DOK6: variants seen among roughly 807,000 people sequenced by gnomAD.
DOK6 encodes the protein downstream of tyrosine kinase 6.
In DOK6, 22 loss-of-function variants were observed where a neutral mutation model predicts 44.0. That is an observed-to-expected ratio of 0.50 (90% CI 0.36 to 0.71). The LOEUF (loss-of-function observed/expected upper bound fraction) is 0.71. Among genes scored for constraint, DOK6 ranks in the 30% least tolerant of loss-of-function variants. The pLI, the probability that DOK6 is intolerant of heterozygous loss-of-function variation, is 0.00. For missense variants in DOK6, 340 were observed against 416.4 expected (o/e 0.82, Z 1.60); for synonymous variants, 166 against 145.5 (o/e 1.14, Z -1.01).
chr18:69,765,022 A>G (rs1178508144), intron 7 of DOK6, among the ~76,000 whole-genome samples: 1 of 152,214 alleles, frequency 6.6e-6, no homozygotes, highest in East Asian at 1.9e-4. Flanking sequence ...ACAGGATGGA[A>G]ATAGGCAATT....
At chr18:69,745,938 G>A (rs921127703) in intron 6 of DOK6, among the ~76,000 whole-genome samples, 2 of 152,096 alleles carry the variant, frequency 1.3e-5, no homozygotes, top group Admixed American at 6.5e-5. Flanking sequence ...TGAACTTAAC[G>A]ATAGCCTCTA....
At chr18:69,833,124 G>T (rs1981948765) in intron 7 of DOK6, among the ~76,000 whole-genome samples, 1 of 152,058 alleles carries the variant, frequency 6.6e-6, no homozygotes, top group East Asian at 1.9e-4. Context: ...TGAGCAAAAA[G>T]AACAAAGCTG....
chr18:69,570,224 A>T (rs1439179601), intron 2 of DOK6, among the ~76,000 whole-genome samples: 2 of 152,274 alleles, frequency 1.3e-5, no homozygotes, highest in East Asian at 3.9e-4. Flanking sequence ...TTAAAAAAGC[A>T]AAAACAAAAT....
Position 69,544,926 on chromosome 18 carries a change from C to T in DOK6, c.67-19561C>T, listed in dbSNP as rs192796720. On this transcript the variant is annotated intron_variant, in intron 1 of 7. Coordinates refer to ENST00000382713, the MANE Select transcript of DOK6 (RefSeq NM_152721.6). ...CGGGCGGATCACTAGGTCAGGAGCT[C>T]GAGACCATCCTGGCTAACATGGTGA... is the stretch of plus-strand genomic sequence containing the variant. 1.9e-3 allele frequency among the ~76,000 whole-genome samples: 290 copies of T among 151,132 alleles called. 8 individuals carry two copies. The highest frequency in any genetic ancestry group is 2.2e-3 in the Non-Finnish European group (149 of 67,496).
chr18:69,542,152 A>C (rs1982285603), intron 1 of DOK6, among the ~76,000 whole-genome samples: 1 of 151,524 alleles, frequency 6.6e-6, no homozygotes, highest in African/African-American at 2.4e-5. Context: ...CATTAGTATG[A>C]TTATTTTTAT....
chr18:69,839,384 C>A (rs575010789), intron 7 of DOK6, among the ~76,000 whole-genome samples: 27 of 148,806 alleles, frequency 1.8e-4, no homozygotes, highest in Non-Finnish European at 3.3e-4. Context: ...CTTCCCTAGT[C>A]TCTCCCTAGC....
At chr18:69,504,862 T>C (rs1992488) in intron 1 of DOK6, among the ~76,000 whole-genome samples, 68,734 of 151,998 alleles carry the variant, frequency 0.45, 15,936 homozygotes, top group African/African-American at 0.49. Flanking sequence ...ATATCTCAGT[T>C]TTGTTACAGG....
chr18:69,549,995 C>T (rs1209637983), intron 1 of DOK6, among the ~76,000 whole-genome samples: 1 of 150,038 alleles, frequency 6.7e-6, no homozygotes, highest in African/African-American at 2.4e-5. Context: ...TTCCTACATG[C>T]CAAGATACTT....
chr18:69,741,104 C>T lies in DOK6; in HGVS notation c.738+2001C>T, dbSNP rs577547409. ...CTAAAGCCAGGGTGTACACCACAGG[C>T]GTGGGTGCCAATATCAGTGCTGAGA... On this transcript the variant is annotated intron_variant, in intron 6 of 7. Coordinates refer to ENST00000382713, the MANE Select transcript of DOK6 (RefSeq NM_152721.6). 1.5e-4 allele frequency among the ~76,000 whole-genome samples: 23 copies of T among 152,198 alleles called. No homozygotes were observed. In the East Asian group the frequency reaches 1.5e-3, roughly 10 times the overall value.
intron 1 of DOK6, among the ~76,000 whole-genome samples, chr18:69,461,170 AAC>A (rs908512225): frequency 1.3e-5 from 2 of 152,146 alleles, no homozygotes; most frequent in African/African-American, 4.8e-5. Context: ...ATACTTCAGA[AAC>A]ACACACACAC....
intron 1 of DOK6, among the ~76,000 whole-genome samples, chr18:69,558,431 A>T (rs1982743612): frequency 6.6e-6 from 1 of 152,144 alleles, no homozygotes; most frequent in South Asian, 2.1e-4. Context: ...TTGAAAAACC[A>T]TGTCCAAAGA....
At chr18:69,622,101 G>A (rs1984455988) in intron 3 of DOK6, among the ~76,000 whole-genome samples, 1 of 152,172 alleles carries the variant, frequency 6.6e-6, no homozygotes, top group Non-Finnish European at 1.5e-5. Context: ...AATACCCAAA[G>A]TATCTGATGC....
chr18:69,461,121 T>C (rs567747687), intron 1 of DOK6, among the ~76,000 whole-genome samples: 182 of 152,316 alleles, frequency 1.2e-3, no homozygotes, highest in Non-Finnish European at 2.2e-3. Flanking sequence ...AGTGGTATTG[T>C]AAAGCAAGCA....
intron 4 of DOK6, among the ~76,000 whole-genome samples, chr18:69,688,037 C>T (rs183730371): frequency 6.6e-6 from 1 of 151,966 alleles, no homozygotes; most frequent in Admixed American, 6.6e-5. Flanking sequence ...ATATATACTT[C>T]TATTTCATAT....
intron 2 of DOK6, among the ~76,000 whole-genome samples, chr18:69,594,698 G>A (rs1209438307): frequency 1.3e-5 from 2 of 151,738 alleles, no homozygotes; most frequent in African/African-American, 4.8e-5. Flanking sequence ...TTTGAAAAAT[G>A]TATATTTTGG....
chr18:69,693,893 C>T (rs1986326542), intron 4 of DOK6, among the ~76,000 whole-genome samples: 1 of 151,524 alleles, frequency 6.6e-6, no homozygotes, highest in African/African-American at 2.4e-5. Context: ...CCCGCCTCTA[C>T]TAAAAATACA....
At chr18:69,755,356 T>A (rs1277163591) in intron 6 of DOK6, among the ~76,000 whole-genome samples, 2 of 152,190 alleles carry the variant, frequency 1.3e-5, no homozygotes, top group Non-Finnish European at 2.9e-5. Context: ...TTTCATCACA[T>A]TTTGGAAAGA....
chr18:69,401,437 T>G, intron 1 of DOK6, 127 bp downstream of exon 1: 49 of 1,015,056 alleles, frequency 4.8e-5, no homozygotes, highest in East Asian at 3.3e-4. Context: ...CTTAGGCGGA[T>G]GGCCCGCTTG....
intron 3 of DOK6, among the ~76,000 whole-genome samples, chr18:69,666,470 C>T (rs770977437): frequency 6.6e-6 from 1 of 151,992 alleles, no homozygotes; most frequent in African/African-American, 2.4e-5. Context: ...ATGTTAGGCA[C>T]GCACCTGTAA....
Sources: gnomAD v4.1 joint callset for allele counts (sites outside exome capture counted in the v4.1 genomes callset) on GRCh38, gnomAD v4.1.1 for gene constraint, MANE v1.5 for transcripts, NCBI Gene and HGNC (gene_info 2026-07-23, HGNC 2026-07-21) for gene names.